ZNF385B: variants seen among roughly 807,000 people sequenced by gnomAD.
The protein encoded by ZNF385B is zinc finger protein 385B, also known as zinc finger protein 533.
In ZNF385B, 23 loss-of-function variants were observed where a neutral mutation model predicts 39.2. The observed-to-expected ratio is 0.59, with a 90% confidence interval of 0.42 to 0.83. The LOEUF is 0.83. Among genes scored for constraint, ZNF385B ranks in the 40% least tolerant of loss-of-function variants. The pLI is 0.00. For missense variants in ZNF385B, 552 were observed against 598.9 expected, an observed-to-expected ratio of 0.92 and a Z score of 0.82; for synonymous variants, 205 against 222.6, an observed-to-expected ratio of 0.92 and a Z score of 0.70.
chr2:179,804,661 A>G (rs910233278), intron 1 of ZNF385B, among the ~76,000 whole-genome samples: 8 of 152,212 alleles, frequency 5.3e-5, no homozygotes, highest in African/African-American at 1.4e-4. Context: ...TGTTATGAGG[A>G]TAAAAGAAAT....
intron 3 of ZNF385B, among the ~76,000 whole-genome samples, chr2:179,748,274 CA>C (rs1046578787): frequency 4.7e-5 from 7 of 149,854 alleles, no homozygotes; most frequent in Admixed American, 1.3e-4. Flanking sequence ...ATGACTGAAT[CA>C]AAAAAAAATA....
At chr2:179,728,432 A>T (rs942135218) in intron 3 of ZNF385B, among the ~76,000 whole-genome samples, 6 of 152,126 alleles carry the variant, frequency 3.9e-5, no homozygotes, top group African/African-American at 1.2e-4. Context: ...AAGGTATCAA[A>T]ATCCATTGGT....
chr2:179,741,822 T>G (rs1031861448), intron 3 of ZNF385B, among the ~76,000 whole-genome samples: 12 of 152,048 alleles, frequency 7.9e-5, no homozygotes, highest in Non-Finnish European at 1.0e-4. Context: ...TAGGTCAAGT[T>G]TGCAAGTTAC....
intron 3 of ZNF385B, among the ~76,000 whole-genome samples, chr2:179,754,841 G>C (rs1308639367): frequency 1.3e-5 from 2 of 151,846 alleles, no homozygotes; most frequent in Non-Finnish European, 2.9e-5. Flanking sequence ...TATTAGTCTT[G>C]CTAGTGGTCT....
At chr2:179,797,741 G>C (rs746276008) in intron 1 of ZNF385B, among the ~76,000 whole-genome samples, 2 of 152,116 alleles carry the variant, frequency 1.3e-5, no homozygotes, top group African/African-American at 2.4e-5. Context: ...GTCAGATCTA[G>C]AGGCTTGATC....
At chr2:179,573,444 A>T (rs1202189964) in intron 3 of ZNF385B, among the ~76,000 whole-genome samples, 5 of 152,104 alleles carry the variant, frequency 3.3e-5, no homozygotes, top group African/African-American at 1.2e-4. Flanking sequence ...AAGAAAAACC[A>T]AAAAAACAAA....
intron 3 of ZNF385B, among the ~76,000 whole-genome samples, chr2:179,689,277 TAAAAGCCGAGAA>T (rs1325099630): frequency 1.3e-5 from 2 of 152,016 alleles, no homozygotes; most frequent in East Asian, 3.9e-4. Flanking sequence ...GCTTTACGGG[TAAAAGCCGAGAA>T]CCAAGGAATT....
intron 3 of ZNF385B, among the ~76,000 whole-genome samples, chr2:179,752,989 T>G (rs1575423186): frequency 6.6e-6 from 1 of 152,360 alleles, no homozygotes. Context: ...TTTGGTGTTT[T>G]AGTCATGAAG....
intron 1 of ZNF385B, among the ~76,000 whole-genome samples, chr2:179,797,561 A>G (rs1254396784): frequency 1.3e-5 from 2 of 152,166 alleles, no homozygotes; most frequent in Non-Finnish European, 2.9e-5. Context: ...GTCTTTTAAG[A>G]CTATTTTAGC....
At chr2:179,538,515 T>A (rs955160590) in intron 4 of ZNF385B, among the ~76,000 whole-genome samples, 6 of 152,004 alleles carry the variant, frequency 3.9e-5, no homozygotes, top group South Asian at 2.1e-4. Flanking sequence ...AAGAAAAAAA[T>A]TTTTAAAAAA....
In ZNF385B at chr2:179,719,432, T is replaced by C. The variant is rs1243987842; in HGVS notation, c.298+50071A>G. On this transcript the variant is annotated intron_variant, in intron 3 of 9. Transcript: ENST00000410066. ...TTACAAATACATCATGCTCCCTCTT[T>C]GTAAGCTGACATTTTACACTATGTT... Among the ~76,000 whole-genome samples the C allele has an allele frequency of 2.0e-5, 3 of 152,290 alleles. No individual in the cohort carries two copies. The East Asian group carries it at 5.8e-4, about 29-fold the overall frequency.
intron 3 of ZNF385B, among the ~76,000 whole-genome samples, chr2:179,625,613 T>C (rs1370578376): frequency 6.6e-6 from 1 of 152,048 alleles, no homozygotes; most frequent in Admixed American, 6.6e-5. Flanking sequence ...TATATACTAC[T>C]GTGTGTGTGA....
At chr2:179,822,949 G>A (rs543551437) in intron 1 of ZNF385B, among the ~76,000 whole-genome samples, 98 of 152,234 alleles carry the variant, frequency 6.4e-4, no homozygotes, top group African/African-American at 1.2e-3. Flanking sequence ...AACTCTGACC[G>A]TTGTGAGGGA....
chr2:179,857,331 G>T (rs1409266214), intron 1 of ZNF385B, among the ~76,000 whole-genome samples: 1 of 152,168 alleles, frequency 6.6e-6, no homozygotes, highest in Non-Finnish European at 1.5e-5. Context: ...GTGCCCTTAG[G>T]GGAGAATGCA....
At chr2:179,721,946 C>A (rs1329154157) in intron 3 of ZNF385B, among the ~76,000 whole-genome samples, 2 of 151,864 alleles carry the variant, frequency 1.3e-5, no homozygotes, top group African/African-American at 4.8e-5. Flanking sequence ...TTGTAGATTA[C>A]ATGATTTATA....
At chr2:179,708,408 G>T (rs1445217857) in intron 3 of ZNF385B, among the ~76,000 whole-genome samples, 1 of 152,138 alleles carries the variant, frequency 6.6e-6, no homozygotes, top group African/African-American at 2.4e-5. Context: ...GTCTTAGGTA[G>T]TACCTTTATA....
At chr2:179,588,342 C>T (rs1687270112) in intron 3 of ZNF385B, among the ~76,000 whole-genome samples, 1 of 152,112 alleles carries the variant, frequency 6.6e-6, no homozygotes, top group Non-Finnish European at 1.5e-5. Flanking sequence ...CCCGCCTCGT[C>T]CTCCCCCTTC....
chr2:179,643,722 TGTAA>T (rs1692468429), intron 3 of ZNF385B, among the ~76,000 whole-genome samples: 1 of 152,060 alleles, frequency 6.6e-6, no homozygotes, highest in South Asian at 2.1e-4. Context: ...GGAGAGACAG[TGTAA>T]GTAAGTACAA....
chr2:179,715,333 C>T (rs762365459), intron 3 of ZNF385B, among the ~76,000 whole-genome samples: 2 of 152,182 alleles, frequency 1.3e-5, no homozygotes, highest in Non-Finnish European at 2.9e-5. Context: ...TACCCCACCT[C>T]TGATTTCTTA....
Sources: allele counts gnomAD v4.1 joint callset (sites outside exome capture counted in the v4.1 genomes callset), GRCh38; gene constraint gnomAD v4.1.1; transcripts MANE v1.5; gene names NCBI Gene and HGNC (gene_info 2026-07-23, HGNC 2026-07-21).